The following SPATC1L variants were observed in gnomAD, a reference collection of about 807,000 sequenced individuals.
The protein encoded by SPATC1L is spermatogenesis and centriole associated 1 like.
Under a neutral mutation model 21.2 loss-of-function variants are expected in SPATC1L, and 20 were observed. The ratio of observed to expected loss-of-function variants is 0.94; its 90% CI spans 0.66 to 1.37. The LOEUF is 1.37. Ranked by LOEUF, SPATC1L falls within the 40% of genes most tolerant of loss-of-function variation. The pLI, the probability that SPATC1L is intolerant of heterozygous loss-of-function variation, is 0.00. For synonymous variants in SPATC1L, 290 were observed against 234.5 expected (o/e 1.24, Z -2.16); for missense variants, 499 against 478.7 (o/e 1.04, Z -0.40).
At chr21:46,171,527 C>T (rs1050353746) in intron 2 of SPATC1L, among the ~76,000 whole-genome samples, 3 of 152,040 alleles carry the variant, frequency 2.0e-5, no homozygotes, top group African/African-American at 4.8e-5. Context: ...AAGTCATCAG[C>T]GTGTGCCCGG....
intron 3 of SPATC1L, 104 bp downstream of exon 3, chr21:46,168,204 G>T: frequency 2.8e-6 from 2 of 707,252 alleles, no homozygotes; most frequent in South Asian, 4.4e-5. Context: ...CACTCTGTGT[G>T]ACTGGATGGA....
At position 46,161,548 on chromosome 21, in the gene SPATC1L, A is replaced by C; in HGVS notation, c.854T>G (p.Leu285Arg). The part of the protein sequence containing the change: ...SEFLINTYGI[L>R]KQRPDLRANP... ...GGCGCGCAGGTCGGGCCGCTGCTTC[A>C]GGATTCCGTAGGTGTTGATGAGGAA... Residue 285 changes from leucine (L) to arginine (R), a missense_variant, in exon 5 of 5, where the codon CTG (leucine) becomes CGG (arginine). Transcript: ENST00000291672. The C allele has an allele frequency of 6.2e-7, 1 of 1,610,594 alleles. No individual in the cohort carries two copies. Among genetic ancestry groups the C allele is most frequent in the Non-Finnish European group, 8.5e-7 (1 of 1,178,992 alleles).
intron 2 of SPATC1L, among the ~76,000 whole-genome samples, chr21:46,179,008 G>T (rs8128293): frequency 0.094 from 14,354 of 152,000 alleles, 1,127 homozygotes; most frequent in African/African-American, 0.22. Context: ...GGAGGCCAAG[G>T]TGGGAGAATT....
At chr21:46,174,139 C>A (rs553639325) in intron 2 of SPATC1L, among the ~76,000 whole-genome samples, 4 of 151,990 alleles carry the variant, frequency 2.6e-5, no homozygotes, top group Admixed American at 1.3e-4. Flanking sequence ...ACCAGCCTGG[C>A]CAACATGATG....
intron 3 of SPATC1L, among the ~76,000 whole-genome samples, chr21:46,167,665 C>G (rs2079550742): frequency 6.6e-6 from 1 of 152,022 alleles, no homozygotes; most frequent in African/African-American, 2.4e-5. Context: ...AACAAAAACA[C>G]AAAAACCAAA....
chr21:46,161,199 G>T lies in SPATC1L; in HGVS notation c.*180C>A, dbSNP rs937784933. The T allele has an allele frequency of 2.0e-6, 1 of 499,510 alleles. No homozygotes were observed. The highest frequency in any genetic ancestry group is 2.0e-5 in the African/African-American group (1 of 49,094). 30.9% of individuals were successfully genotyped at this position (499,510 alleles called of 1,614,324 possible). A position where few individuals can be genotyped will look rare whatever the true frequency, so the allele number is the denominator to read the frequency against. On this transcript the variant is annotated 3_prime_UTR_variant, in exon 5 of 5. Coordinates refer to ENST00000291672, the MANE Select transcript of SPATC1L (RefSeq NM_001142854.2). Reference sequence around the variant, plus strand: ...TTTAATGAGGGGTGAGAAGCACTCCGCAGGTGCGGGCAGCGGCGGGCTGCG... The same window carrying T: ...TTTAATGAGGGGTGAGAAGCACTCCTCAGGTGCGGGCAGCGGCGGGCTGCG...
chr21:46,182,898 A>G lies in SPATC1L; in HGVS notation c.-82T>C, dbSNP rs566694792. 1.7e-3 allele frequency: 2,273 copies of G among 1,377,350 alleles called. 2 individuals carry two copies. Among genetic ancestry groups the G allele is most frequent in the Non-Finnish European group, 2.1e-3 (2,166 of 1,042,572 alleles). 85.3% of individuals were successfully genotyped at this position (1,377,350 alleles called of 1,614,324 possible). The stretch of plus-strand genomic sequence containing the variant: ...CCCAGAGCCCGCAGGCACCACAGAA[A>G]CAGCCCAGGCACGGAGTTCCGTAGC... On this transcript the variant is annotated 5_prime_UTR_variant, in exon 2 of 5. Coordinates refer to ENST00000291672, the MANE Select transcript of SPATC1L (RefSeq NM_001142854.2).
rs560270320 is a variant in SPATC1L at position 46,168,719 on chromosome 21, G to A, written c.194-61C>T. ...GATGCTCCTAAAACATTCCTGGGAA[G>A]TATAAAGAACATGTTAACAACCCCT... On this transcript the variant is annotated intron_variant, in intron 2 of 4. Coordinates refer to ENST00000291672, the MANE Select transcript of SPATC1L (RefSeq NM_001142854.2). The A allele has an allele frequency of 1.7e-4, 199 of 1,197,174 alleles. 1 individual carries two copies. In the African/African-American group the frequency reaches 2.1e-3, roughly 12 times the overall value. The allele number at this position is 1,197,174 out of a possible 1,614,324, so 74.2% of individuals were successfully genotyped here.
At chr21:46,163,451 C>A (rs2079517572) in intron 3 of SPATC1L, among the ~76,000 whole-genome samples, 1 of 152,180 alleles carries the variant, frequency 6.6e-6, no homozygotes, top group East Asian at 1.9e-4. Context: ...ACCCCTATGT[C>A]TTTTCTACAA....
intron 2 of SPATC1L, among the ~76,000 whole-genome samples, chr21:46,182,103 CT>C (rs1272952876): frequency 9.8e-5 from 15 of 152,336 alleles, no homozygotes; most frequent in Admixed American, 6.5e-4. Flanking sequence ...ACCTGCTCCC[CT>C]GGCCGGTGGC....
Position 46,183,003 on chromosome 21 carries a change from C to T in SPATC1L, c.-187G>A. The T allele has an allele frequency of 1.7e-6, 1 of 600,624 alleles. No individual in the cohort carries two copies. The highest frequency in any genetic ancestry group is 4.4e-4 in the Middle Eastern group (1 of 2,264). The allele number at this position is 600,624 out of a possible 1,614,324, so 37.2% of individuals were successfully genotyped here. A position where few individuals can be genotyped will look rare whatever the true frequency, so the allele number is the denominator to read the frequency against. ...CACCCTGCCTGCCCCCGCGATGGCT[C>T]ATGGCCCCGTTGAGGCAGTGAAGCT... On this transcript the variant is annotated 5_prime_UTR_variant, in exon 2 of 5. The change abolishes an upstream ATG in the 5' untranslated region. Transcript: ENST00000291672.
chr21:46,164,584 G>A (rs370993055), intron 3 of SPATC1L, among the ~76,000 whole-genome samples: 1 of 152,034 alleles, frequency 6.6e-6, no homozygotes, highest in African/African-American at 2.4e-5. Flanking sequence ...ACAAGGTCAG[G>A]AGTTCGAGAC....
chr21:46,178,994 T>C (rs1244967164), intron 2 of SPATC1L, among the ~76,000 whole-genome samples: 4 of 152,202 alleles, frequency 2.6e-5, no homozygotes, highest in South Asian at 4.2e-4. Flanking sequence ...ATCCCAATGG[T>C]TTGGGAGGCC....
At chr21:46,183,883 G>C (rs1338894001) in intron 1 of SPATC1L, 109 bp from the exon 2 acceptor site, 2 of 104,706 alleles carry the variant, frequency 1.9e-5, no homozygotes, top group Non-Finnish European at 4.0e-5. Context: ...GATCAGCCTG[G>C]GGGAGGAGAC....
chr21:46,174,350 A>C (rs539885824), intron 2 of SPATC1L, among the ~76,000 whole-genome samples: 2,883 of 148,248 alleles, frequency 0.019, 95 homozygotes, highest in African/African-American at 0.049. Context: ...AAAACAAAAA[A>C]AAAAAAAAAA....
chr21:46,181,589 C>G (rs1245856634), intron 2 of SPATC1L, among the ~76,000 whole-genome samples: 2 of 152,318 alleles, frequency 1.3e-5, no homozygotes, highest in Non-Finnish European at 2.9e-5. Context: ...TGGTGGCCAG[C>G]GTTTGAGAAG....
intron 3 of SPATC1L, among the ~76,000 whole-genome samples, chr21:46,167,154 A>C (rs1053418839): frequency 6.6e-5 from 10 of 152,254 alleles, no homozygotes; most frequent in African/African-American, 2.4e-4. Flanking sequence ...GAAATTAAAC[A>C]ATACGCTCCT....
chr21:46,183,227 C>A lies in SPATC1L; in HGVS notation c.-411G>T, dbSNP rs1374426906. The A allele has an allele frequency of 3.9e-5, 8 of 204,446 alleles. No individual in the cohort carries two copies. Among genetic ancestry groups the A allele is most frequent in the Non-Finnish European group, 6.9e-5 (7 of 101,970 alleles). 12.7% of individuals were successfully genotyped at this position (204,446 alleles called of 1,614,324 possible). ...AAGCTGGGTGGGGACGCTGCCTTCA[C>A]CCGAGTAACATGTGGGCTGCACTTC... On this transcript the variant is annotated 5_prime_UTR_variant, in exon 2 of 5. Transcript: ENST00000291672.
At chr21:46,174,344 C>CAAACA (rs2079615162) in intron 2 of SPATC1L, among the ~76,000 whole-genome samples, 1 of 68,832 alleles carries the variant, frequency 1.5e-5, no homozygotes, top group Non-Finnish European at 2.8e-5. Flanking sequence ...AAAAACAAAA[C>CAAACA]AAAAAAAAAA....
Sources: allele counts gnomAD v4.1 joint callset (sites outside exome capture counted in the v4.1 genomes callset), GRCh38; gene constraint gnomAD v4.1.1; transcripts MANE v1.5; gene names NCBI Gene and HGNC (gene_info 2026-07-23, HGNC 2026-07-21).